The following CCSER1 variants were observed in gnomAD, a reference collection of about 807,000 sequenced individuals.
The protein encoded by CCSER1 is coiled-coil serine rich protein 1.
Under a neutral mutation model 82.0 loss-of-function variants are expected in CCSER1, and 41 were observed. The observed-to-expected ratio is 0.50, with a 90% confidence interval of 0.39 to 0.65. The LOEUF (loss-of-function observed/expected upper bound fraction) is 0.65. Ranked by LOEUF, CCSER1 falls within the 30% of genes least tolerant of loss-of-function variation. The probability of loss-of-function intolerance (pLI) is 0.00; values close to 1 mark genes in which losing one functional copy is unlikely to be tolerated. For synonymous variants in CCSER1, 414 were observed against 383.9 expected, an observed-to-expected ratio of 1.08 and a Z score of -0.92; for missense variants, 1,119 against 1,064.2, an observed-to-expected ratio of 1.05 and a Z score of -0.72.
intron 7 of CCSER1, among the ~76,000 whole-genome samples, chr4:90,732,114 A>G (rs1050492065): frequency 6.8e-6 from 1 of 146,148 alleles, no homozygotes; most frequent in Non-Finnish European, 1.5e-5. Flanking sequence ...CTCTCCATGG[A>G]CTAGCTTGAG....
At chr4:90,864,444 C>T (rs998205149) in intron 8 of CCSER1, among the ~76,000 whole-genome samples, 11 of 151,824 alleles carry the variant, frequency 7.2e-5, no homozygotes, top group Admixed American at 4.6e-4. Context: ...GGAGTAAGTT[C>T]GCTATCTAAA....
intron 7 of CCSER1, among the ~76,000 whole-genome samples, chr4:90,797,444 G>A (rs1053403354): frequency 6.6e-5 from 10 of 152,002 alleles, no homozygotes; most frequent in Non-Finnish European, 1.3e-4. Context: ...CTTGCCACTC[G>A]GTGCCTTTTA....
At chr4:90,569,618 G>A (rs538567973) in intron 5 of CCSER1, among the ~76,000 whole-genome samples, 17 of 152,310 alleles carry the variant, frequency 1.1e-4, no homozygotes, top group Middle Eastern at 6.8e-3. Context: ...AAACTGGCAG[G>A]AAGAGCTGCC....
intron 5 of CCSER1, among the ~76,000 whole-genome samples, chr4:90,552,275 A>G (rs910686220): frequency 1.3e-5 from 2 of 152,208 alleles, no homozygotes; most frequent in Non-Finnish European, 2.9e-5. Context: ...TGATTGTTGA[A>G]TGAATCAATT....
At chr4:90,441,655 A>C (rs1309247278) in intron 4 of CCSER1, among the ~76,000 whole-genome samples, 1 of 152,186 alleles carries the variant, frequency 6.6e-6, no homozygotes, top group Non-Finnish European at 1.5e-5. Flanking sequence ...TGTTGCTACT[A>C]TGCCATTTAG....
At position 90,523,512 on chromosome 4, in the gene CCSER1, C is replaced by T. The variant is rs147926703; in HGVS notation, c.1724+55158C>T. ...TTCACAGCTTCTTTTACCTGTACTA[C>T]ATAAGCACAAATGTACAGTGTTTAT... On this transcript the variant is annotated intron_variant, in intron 5 of 10. Coordinates refer to ENST00000509176, the MANE Select transcript of CCSER1 (RefSeq NM_001145065.2). 3.7e-4 allele frequency among the ~76,000 whole-genome samples: 57 copies of T among 152,228 alleles called. 1 individual carries two copies. The South Asian group carries it at 7.9e-3, about 21-fold the overall frequency.
intron 8 of CCSER1, among the ~76,000 whole-genome samples, chr4:90,830,763 C>T (rs955997137): frequency 5.3e-5 from 8 of 152,044 alleles, no homozygotes; most frequent in African/African-American, 1.9e-4. Flanking sequence ...CCTTTTTTCT[C>T]TATTGTATAA....
intron 10 of CCSER1, among the ~76,000 whole-genome samples, chr4:91,488,280 A>G (rs1305023245): frequency 6.6e-6 from 1 of 152,172 alleles, no homozygotes; most frequent in Non-Finnish European, 1.5e-5. Flanking sequence ...CAATTATTTT[A>G]TGTGATTTTT....
At chr4:90,958,696 A>G (rs910271934) in intron 9 of CCSER1, among the ~76,000 whole-genome samples, 6 of 152,142 alleles carry the variant, frequency 3.9e-5, no homozygotes, top group Middle Eastern at 3.2e-3. Flanking sequence ...TCATGTCCTT[A>G]TAAGGGTCCA....
intron 10 of CCSER1, among the ~76,000 whole-genome samples, chr4:91,142,658 G>T (rs1430354423): frequency 2.6e-5 from 4 of 152,134 alleles, no homozygotes; most frequent in Admixed American, 2.0e-4. Context: ...AAGTATACGA[G>T]AATTGAAAAG....
chr4:90,612,159 A>G (rs533664631), intron 5 of CCSER1, among the ~76,000 whole-genome samples: 1 of 152,156 alleles, frequency 6.6e-6, no homozygotes, highest in South Asian at 2.1e-4. Flanking sequence ...ACAAAAAAAT[A>G]AACTATTTAG....
At chr4:90,738,636 C>A (rs1268377363) in intron 7 of CCSER1, among the ~76,000 whole-genome samples, 1 of 152,128 alleles carries the variant, frequency 6.6e-6, no homozygotes, top group Non-Finnish European at 1.5e-5. Flanking sequence ...CAATGCCTGG[C>A]TATCACCTGT....
chr4:90,769,982 A>C (rs192656679), intron 7 of CCSER1, among the ~76,000 whole-genome samples: 41 of 152,304 alleles, frequency 2.7e-4, no homozygotes, highest in South Asian at 1.9e-3. Flanking sequence ...AATATGATAC[A>C]ACGGAACTGA....
At chr4:90,546,550 G>A (rs17017145) in intron 5 of CCSER1, among the ~76,000 whole-genome samples, 24,288 of 151,996 alleles carry the variant, frequency 0.16, 2,533 homozygotes, top group East Asian at 0.44. Context: ...AATGGTGTAT[G>A]TATAGAACAA....
At chr4:90,959,563 T>C (rs1733851050) in intron 9 of CCSER1, among the ~76,000 whole-genome samples, 1 of 152,190 alleles carries the variant, frequency 6.6e-6, no homozygotes, top group African/African-American at 2.4e-5. Flanking sequence ...TTATAAGTCT[T>C]ATACCATTTA....
intron 9 of CCSER1, among the ~76,000 whole-genome samples, chr4:90,949,951 G>A (rs1732713076): frequency 1.3e-5 from 2 of 152,130 alleles, no homozygotes; most frequent in Admixed American, 6.6e-5. Flanking sequence ...TAAGTGCTAT[G>A]TGTCCCTTAC....
At chr4:90,435,092 A>G (rs1236602077) in intron 4 of CCSER1, among the ~76,000 whole-genome samples, 2 of 152,178 alleles carry the variant, frequency 1.3e-5, no homozygotes, top group Non-Finnish European at 2.9e-5. Context: ...ATATGATAAC[A>G]CATTAAAAAC....
chr4:91,234,288 A>T (rs775246645), intron 10 of CCSER1, among the ~76,000 whole-genome samples: 14 of 152,010 alleles, frequency 9.2e-5, no homozygotes, highest in Non-Finnish European at 2.1e-4. Flanking sequence ...CAATCTTGCC[A>T]TTCAACATTT....
intron 1 of CCSER1, among the ~76,000 whole-genome samples, chr4:90,155,091 G>A (rs1352315505): frequency 2.0e-5 from 3 of 152,110 alleles, no homozygotes; most frequent in Admixed American, 2.0e-4. Flanking sequence ...TAGCATGAAG[G>A]GTTGTTGAAT....
Sources: allele counts gnomAD v4.1 joint callset (sites outside exome capture counted in the v4.1 genomes callset), GRCh38; gene constraint gnomAD v4.1.1; transcripts MANE v1.5; gene names NCBI Gene and HGNC (gene_info 2026-07-23, HGNC 2026-07-21).